The following CACNA1B variants were observed in gnomAD, a reference collection of about 807,000 sequenced individuals.
The protein encoded by CACNA1B is calcium voltage-gated channel subunit alpha1 B.
Under a neutral mutation model 247.2 loss-of-function variants are expected in CACNA1B, and 70 were observed. The observed-to-expected ratio is 0.28, with a 90% CI of 0.23 to 0.35. The LOEUF (loss-of-function observed/expected upper bound fraction) is 0.35, where lower values mean the gene tolerates loss of function less well. CACNA1B is among the 10% of genes least tolerant of loss of function. CACNA1B has a pLI of 1.00. For synonymous variants in CACNA1B, 1,231 were observed against 1,294.4 expected, an observed-to-expected ratio of 0.95 and a Z score of 1.05; for missense variants, 2,367 against 3,197.4, an observed-to-expected ratio of 0.74 and a Z score of 6.26.
Position 137,881,556 on chromosome 9 carries a change from C to G in CACNA1B, c.391-1188C>G, listed in dbSNP as rs772482644. Among the ~76,000 whole-genome samples the G allele has an allele frequency of 6.6e-6, 1 of 152,222 alleles. No homozygotes were observed. The highest frequency in any genetic ancestry group is 1.5e-5 in the Non-Finnish European group (1 of 68,026). On this transcript the variant is annotated intron_variant, in intron 2 of 46. Transcript: ENST00000371372. The surrounding 1 kb of genome is among the most constrained non-coding windows in gnomAD (Gnocchi z 4.3). ...GCCCTTGAAGCTGGTCTCCTCTCCCCACCCCTTCACCTGCTTCCTAAGGCA... is the reference window on the plus strand; with the variant it reads ...GCCCTTGAAGCTGGTCTCCTCTCCCGACCCCTTCACCTGCTTCCTAAGGCA...
intron 35 of CACNA1B, among the ~76,000 whole-genome samples, chr9:138,077,385 A>G (rs1359796615): frequency 6.6e-6 from 1 of 152,206 alleles, no homozygotes; most frequent in Non-Finnish European, 1.5e-5. Context: ...AGCAGAGGCC[A>G]GGGTGCTTGG....
At chr9:138,037,899 G>A (rs900926880) in intron 20 of CACNA1B, among the ~76,000 whole-genome samples, 3 of 152,176 alleles carry the variant, frequency 2.0e-5, no homozygotes, top group Non-Finnish European at 4.4e-5. Flanking sequence ...AGATCTGTGA[G>A]TTCAGTGAGG....
At chr9:137,902,895 C>T (rs1055702806) in intron 3 of CACNA1B, among the ~76,000 whole-genome samples, 1 of 152,188 alleles carries the variant, frequency 6.6e-6, no homozygotes, top group East Asian at 1.9e-4. Context: ...CCCCCACTGC[C>T]GAGTGTCCTC....
At chr9:137,903,845 C>T (rs1029644901) in intron 3 of CACNA1B, among the ~76,000 whole-genome samples, 2 of 152,002 alleles carry the variant, frequency 1.3e-5, no homozygotes, top group Non-Finnish European at 2.9e-5. Context: ...GGCGGCATTT[C>T]GATTGAGGCA....
intron 18 of CACNA1B, among the ~76,000 whole-genome samples, chr9:138,022,807 G>T (rs55639073): frequency 1.4e-5 from 1 of 70,596 alleles, no homozygotes; most frequent in Non-Finnish European, 2.3e-5. Flanking sequence ...GGACACCGTG[G>T]GGGGGGGGGG....
intron 3 of CACNA1B, among the ~76,000 whole-genome samples, chr9:137,901,418 C>T (rs147796590): frequency 6.6e-5 from 10 of 152,228 alleles, no homozygotes; most frequent in South Asian, 2.1e-4. Context: ...ACCGCCCTCC[C>T]GGGTTCAAGT....
chr9:138,099,594 G>T (rs1961183428), intron 37 of CACNA1B, among the ~76,000 whole-genome samples: 1 of 150,416 alleles, frequency 6.6e-6, no homozygotes, highest in African/African-American at 2.5e-5. Context: ...GTGCCTGTGG[G>T]TGTGCACGTG....
intron 18 of CACNA1B, among the ~76,000 whole-genome samples, chr9:138,022,349 C>A (rs975326921): frequency 2.6e-5 from 4 of 151,974 alleles, no homozygotes; most frequent in African/African-American, 7.3e-5. Flanking sequence ...CTGCGGCTGA[C>A]CACCTCGGGG....
rs1489276297 is a variant in CACNA1B, at chr9:137,917,288, C to T, written c.823C>T (p.Arg275Trp). 3.1e-6 allele frequency: 5 copies of T among 1,613,884 alleles called. No individual in the cohort carries two copies. Among genetic ancestry groups the T allele is most frequent in the East Asian group, 2.2e-5 (1 of 44,874 alleles). ...CCCCTGTGGCAAGGAGGCCCCAGCCCGGCTGTGCGAGGGCGACACTGAGTG... is the reference window on the plus strand; with the variant it reads ...CCCCTGTGGCAAGGAGGCCCCAGCCTGGCTGTGCGAGGGCGACACTGAGTG... ...DFPCGKEAPARLCEGDTECRE... is the reference protein window; with the variant it reads ...DFPCGKEAPAWLCEGDTECRE... The change falls in exon 6 of 47, where the codon CGG becomes TGG. Residue 275 changes from arginine (R) to tryptophan (W), a missense_variant. Physicochemically the swap from Arg to Trp is moderately radical, Grantham distance 101. Coordinates refer to ENST00000371372, the MANE Select transcript of CACNA1B (RefSeq NM_000718.4). The surrounding 1 kb of genome is among the most constrained non-coding windows in gnomAD (Gnocchi z 5.5).
At chr9:138,037,913 G>A (rs570006560) in intron 20 of CACNA1B, among the ~76,000 whole-genome samples, 9 of 152,240 alleles carry the variant, frequency 5.9e-5, no homozygotes, top group Non-Finnish European at 1.0e-4. Context: ...AGTGAGGGTC[G>A]CAAAATGGTG....
intron 6 of CACNA1B, among the ~76,000 whole-genome samples, chr9:137,951,292 C>G (rs1346078407): frequency 6.6e-6 from 1 of 152,252 alleles, no homozygotes; most frequent in East Asian, 1.9e-4. Flanking sequence ...GGGTCAGGAA[C>G]CACGAGCTTC....
chr9:138,043,194 G>A (rs1959148182), intron 20 of CACNA1B, among the ~76,000 whole-genome samples: 1 of 152,214 alleles, frequency 6.6e-6, no homozygotes, highest in African/African-American at 2.4e-5. Flanking sequence ...CCTCGGGGAA[G>A]GAGGCGACGA....
rs369054616 is a variant in CACNA1B at position 138,000,247 on chromosome 9, C to T, written c.1975-6520C>T. On this transcript the variant is annotated intron_variant, in intron 15 of 46. Transcript: ENST00000371372. ...CCGAGTGGCTGGGACTACAGGCGCC[C>T]GCCACTACGCCCGGCTAATTTTTTG... Among the ~76,000 whole-genome samples the T allele has an allele frequency of 5.3e-3, 809 of 151,924 alleles. 4 individuals are homozygous for T. The highest frequency in any genetic ancestry group is 0.013 in the African/African-American group (551 of 41,430).
At chr9:137,981,966 GTGC>G (rs1958299602) in intron 12 of CACNA1B, among the ~76,000 whole-genome samples, 1 of 152,174 alleles carries the variant, frequency 6.6e-6, no homozygotes, top group Non-Finnish European at 1.5e-5. Context: ...CTTCATTAAT[GTGC>G]TGCTCAGTGT....
In CACNA1B at chr9:137,986,824, C is replaced by A; in HGVS notation, c.1944C>A (p.Thr648=). Residue 648 remains threonine, a synonymous_variant, in exon 15 of 47, where the codon ACC becomes ACA. Coordinates refer to ENST00000371372, the MANE Select transcript of CACNA1B (RefSeq NM_000718.4). This position sits in a 1 kb window ranked among gnomAD's most constrained non-coding sequence, Gnocchi z 6.0. The part of the protein sequence containing the change: ...QDETPTTNFD[T]FPAAILTVFQ... Reference sequence around the variant, plus strand: ...AGACTCCCACAACCAACTTCGACACCTTCCCTGCCGCCATCCTCACTGTCT... The same window carrying A: ...AGACTCCCACAACCAACTTCGACACATTCCCTGCCGCCATCCTCACTGTCT... The A allele has an allele frequency of 6.2e-7, 1 of 1,613,902 alleles. No homozygotes were observed. Among genetic ancestry groups the A allele is most frequent in the Non-Finnish European group, 8.5e-7 (1 of 1,179,818 alleles).
intron 7 of CACNA1B, among the ~76,000 whole-genome samples, chr9:137,953,506 G>GCCCT (rs1957903203): frequency 6.6e-6 from 1 of 152,142 alleles, no homozygotes; most frequent in Non-Finnish European, 1.5e-5. Context: ...TCCTGTAAAG[G>GCCCT]GTGTGATTGT....
In CACNA1B at chr9:138,023,137, C is replaced by G; in HGVS notation, c.2394C>G (p.Arg798=). ...AGATGGACCCCGAGGAGCGGCTGCG[C>G]TTCGCCACTACGCGCCACCTGCGGC... ...YSEMDPEERL[R]FATTRHLRPD... Residue 798 remains arginine (R), a synonymous_variant, in exon 19 of 47, where the codon CGC becomes CGG. Coordinates refer to ENST00000371372, the MANE Select transcript of CACNA1B (RefSeq NM_000718.4). 2.0e-6 allele frequency: 3 copies of G among 1,537,142 alleles called. No homozygotes were observed. Among genetic ancestry groups the G allele is most frequent in the Non-Finnish European group, 2.6e-6 (3 of 1,149,584 alleles).
Position 137,911,590 on chromosome 9 carries a change from A to AT in CACNA1B, c.531-1581dup, listed in dbSNP as rs534605802. Among the ~76,000 whole-genome samples the AT allele has an allele frequency of 2.4e-3, 363 of 150,566 alleles. 1 individual carries two copies. Among genetic ancestry groups the AT allele is most frequent in the South Asian group, 9.7e-3 (46 of 4,760 alleles). ...GCTACTGCGCCCAGCTAGTTTTTGT[A>AT]TTTTTTTTTGTAGAGACGGGGTTTC... On this transcript the variant is annotated intron_variant, in intron 3 of 46. Coordinates refer to ENST00000371372, the MANE Select transcript of CACNA1B (RefSeq NM_000718.4).
chr9:138,031,222 C>T (rs1465270294), intron 20 of CACNA1B, among the ~76,000 whole-genome samples: 1 of 152,058 alleles, frequency 6.6e-6, no homozygotes, highest in African/African-American at 2.4e-5. Flanking sequence ...CACAGGTTTT[C>T]ATATTGTATA....
Sources: gnomAD v4.1 joint callset for allele counts (sites outside exome capture counted in the v4.1 genomes callset) on GRCh38, gnomAD v4.1.1 for gene constraint, Gnocchi (gnomAD v3.1) non-coding constraint, MANE v1.5 for transcripts, NCBI Gene and HGNC (gene_info 2026-07-23, HGNC 2026-07-21) for gene names.